The following TIAM1 variants were observed in gnomAD, a reference collection of about 807,000 sequenced individuals.
TIAM1 encodes TIAM Rac1 associated GEF 1.
A neutral mutation model predicts 163.5 loss-of-function variants in TIAM1; 65 were observed. The ratio of observed to expected loss-of-function variants is 0.40; its 90% CI spans 0.33 to 0.49. The LOEUF (loss-of-function observed/expected upper bound fraction) is 0.49, where lower values mean the gene tolerates loss of function less well. Among genes scored for constraint, TIAM1 ranks in the 20% least tolerant of loss-of-function variants. The pLI is 0.77. For missense variants in TIAM1, 1,789 were observed against 2,044.7 expected, an observed-to-expected ratio of 0.87 and a Z score of 2.41; for synonymous variants, 833 against 810.1, an observed-to-expected ratio of 1.03 and a Z score of -0.48.
chr21:31,311,183 T>G (rs1264510433), intron 2 of TIAM1, among the ~76,000 whole-genome samples: 2 of 145,700 alleles, frequency 1.4e-5, no homozygotes, highest in Non-Finnish European at 1.5e-5. Flanking sequence ...TTTTTTTTTT[T>G]GTCAAATTTG....
chr21:31,369,838 A>G (rs2076565426), intron 2 of TIAM1, among the ~76,000 whole-genome samples: 2 of 152,162 alleles, frequency 1.3e-5, no homozygotes, highest in African/African-American at 4.8e-5. Flanking sequence ...TACAAAAATT[A>G]GCTGGGCGTG....
chr21:31,139,277 A>C (rs1433487712), intron 22 of TIAM1, among the ~76,000 whole-genome samples: 1 of 152,214 alleles, frequency 6.6e-6, no homozygotes, highest in African/African-American at 2.4e-5. Flanking sequence ...TTGGCATATA[A>C]AGAAAATGTA....
chr21:31,349,651 CT>C (rs1165472108), intron 2 of TIAM1, among the ~76,000 whole-genome samples: 1 of 152,228 alleles, frequency 6.6e-6, no homozygotes, highest in East Asian at 1.9e-4. Flanking sequence ...CCTGCCATTT[CT>C]TCAAAGAATG....
chr21:31,509,525 C>T (rs1285714735), intron 1 of TIAM1, among the ~76,000 whole-genome samples: 1 of 152,186 alleles, frequency 6.6e-6, no homozygotes, highest in Non-Finnish European at 1.5e-5. Flanking sequence ...AACACAAACA[C>T]CCACACCCAG....
chr21:31,138,266 G>A (rs569936889), intron 22 of TIAM1, among the ~76,000 whole-genome samples: 7 of 152,302 alleles, frequency 4.6e-5, no homozygotes, highest in African/African-American at 1.7e-4. Context: ...GGGGGTAGGA[G>A]GTTGAAGGCC....
At chr21:31,461,785 C>G (rs1011864435) in intron 2 of TIAM1, among the ~76,000 whole-genome samples, 2 of 152,166 alleles carry the variant, frequency 1.3e-5, no homozygotes, top group African/African-American at 2.4e-5. Flanking sequence ...CCCACCTCAG[C>G]CTCCCGGCCA....
intron 2 of TIAM1, among the ~76,000 whole-genome samples, chr21:31,307,543 C>T (rs1365987707): frequency 6.6e-6 from 1 of 152,318 alleles, no homozygotes; most frequent in Non-Finnish European, 1.5e-5. Context: ...GGATCTACCC[C>T]GGAGAACTCT....
At chr21:31,512,778 T>G (rs1199301743) in intron 1 of TIAM1, among the ~76,000 whole-genome samples, 1 of 150,442 alleles carries the variant, frequency 6.6e-6, no homozygotes, top group East Asian at 2.0e-4. Flanking sequence ...CCACCATGCC[T>G]AGTTAGGTGT....
chr21:31,193,238 A>G (rs1315824646), intron 13 of TIAM1, among the ~76,000 whole-genome samples: 1 of 152,244 alleles, frequency 6.6e-6, no homozygotes, highest in African/African-American at 2.4e-5. Context: ...ACAAATTTGA[A>G]CCTTGGCTGG....
At chr21:31,555,652 G>A (rs2048850971) in intron 1 of TIAM1, among the ~76,000 whole-genome samples, 1 of 152,122 alleles carries the variant, frequency 6.6e-6, no homozygotes, top group South Asian at 2.1e-4. Context: ...TCCCGGCACA[G>A]ATTTCTAGGC....
At chr21:31,441,027 G>A (rs142830863) in intron 2 of TIAM1, among the ~76,000 whole-genome samples, 94 of 152,310 alleles carry the variant, frequency 6.2e-4, no homozygotes, top group Non-Finnish European at 1.0e-3. Flanking sequence ...ATCTCAGTGG[G>A]TTCCCAGAGC....
intron 19 of TIAM1, among the ~76,000 whole-genome samples, chr21:31,149,952 T>C (rs1454028010): frequency 6.6e-6 from 1 of 152,176 alleles, no homozygotes; most frequent in Non-Finnish European, 1.5e-5. Context: ...TTCTCTTAAA[T>C]GGTTTTGGAA....
intron 1 of TIAM1, among the ~76,000 whole-genome samples, chr21:31,550,474 G>T (rs1035018472): frequency 2.0e-5 from 3 of 152,136 alleles, no homozygotes; most frequent in African/African-American, 7.2e-5. Flanking sequence ...GTAGCCAAGT[G>T]CTGGGAGGAA....
At chr21:31,239,678 T>C (rs1368190875) in intron 6 of TIAM1, among the ~76,000 whole-genome samples, 2 of 151,878 alleles carry the variant, frequency 1.3e-5, no homozygotes, top group Non-Finnish European at 2.9e-5. Flanking sequence ...AGAGCTGCCA[T>C]AAATCATTAA....
chr21:31,487,256 C>A (rs1415692768), intron 1 of TIAM1, among the ~76,000 whole-genome samples: 2 of 152,182 alleles, frequency 1.3e-5, no homozygotes, highest in Admixed American at 6.5e-5. Flanking sequence ...CACAGGACAG[C>A]CCCCACGACA....
intron 5 of TIAM1, among the ~76,000 whole-genome samples, chr21:31,250,466 G>A (rs560982477): frequency 6.6e-6 from 1 of 152,318 alleles, no homozygotes; most frequent in East Asian, 1.9e-4. Flanking sequence ...ACTTGTGCAA[G>A]GGTTGACCTG....
intron 4 of TIAM1, among the ~76,000 whole-genome samples, chr21:31,258,357 G>T (rs573161166): frequency 2.1e-4 from 32 of 152,158 alleles, no homozygotes; most frequent in Non-Finnish European, 4.0e-4. Flanking sequence ...GGAGTTAAAG[G>T]TTTTGTCATT....
chr21:31,453,830 A>T (rs1379200694), intron 2 of TIAM1, among the ~76,000 whole-genome samples: 1 of 151,586 alleles, frequency 6.6e-6, no homozygotes, highest in African/African-American at 2.4e-5. Context: ...TAATTGTGCT[A>T]CAAAGACCAA....
At chr21:31,409,569 G>T (rs1455064751) in intron 2 of TIAM1, among the ~76,000 whole-genome samples, 1 of 152,140 alleles carries the variant, frequency 6.6e-6, no homozygotes, top group East Asian at 1.9e-4. Context: ...CAAGCACACA[G>T]GACTCCATGC....
Sources: gnomAD v4.1 joint callset for allele counts (sites outside exome capture counted in the v4.1 genomes callset) on GRCh38, gnomAD v4.1.1 for gene constraint, MANE v1.5 for transcripts, NCBI Gene and HGNC (gene_info 2026-07-23, HGNC 2026-07-21) for gene names.